The following PCDHGA1 variants were observed in gnomAD, a reference collection of about 807,000 sequenced individuals.
PCDHGA1 encodes protocadherin gamma subfamily A, 1.
PCDHGA1 carries 32 observed loss-of-function variants against 58.0 expected under a neutral mutation model. That is an observed-to-expected ratio of 0.55 (90% CI 0.42 to 0.74). The LOEUF is 0.74. Ranked by LOEUF, PCDHGA1 falls within the 30% of genes least tolerant of loss-of-function variation. PCDHGA1 has a pLI of 0.00. For missense variants in PCDHGA1, 1,205 were observed against 1,182.3 expected (o/e 1.02, Z -0.28); for synonymous variants, 498 against 501.1 (o/e 0.99, Z 0.08).
rs776294589 is a variant in PCDHGA1 at position 141,341,290 on chromosome 5, C to A, written c.2421+8185C>A. On this transcript the variant is annotated intron_variant, in intron 1 of 3. Transcript: ENST00000517417. ...AGAGCCACCTGATTTTCCCCCAGCC[C>A]AACTATGCGGACACGCTCATCAGCC... 14 of 1,614,234 alleles carry A rather than the reference C, an allele frequency of 8.7e-6. No homozygotes were observed. The African/African-American group carries it at 1.7e-4, about 20-fold the overall frequency.
chr5:141,356,922 T>C, intron 1 of PCDHGA1: 1 of 1,613,632 alleles, frequency 6.2e-7, no homozygotes, highest in Admixed American at 1.7e-5. Context: ...GCTCCACTGG[T>C]GTGGAGCTGG....
At chr5:141,435,821 T>C (rs571444304) in intron 1 of PCDHGA1, among the ~76,000 whole-genome samples, 72 of 152,240 alleles carry the variant, frequency 4.7e-4, no homozygotes, top group African/African-American at 1.6e-3. Context: ...CTTTCTTCTT[T>C]GTTTGCTGCC....
At chr5:141,443,631 T>C (rs541727440) in intron 1 of PCDHGA1, among the ~76,000 whole-genome samples, 1 of 152,332 alleles carries the variant, frequency 6.6e-6, no homozygotes, top group South Asian at 2.1e-4. Context: ...ATTGTAAAAA[T>C]TGATCCAGAT....
intron 1 of PCDHGA1, chr5:141,422,797 G>A (rs1037091316): frequency 2.5e-6 from 4 of 1,614,244 alleles, no homozygotes; most frequent in Non-Finnish European, 3.4e-6. Context: ...CTTCGACTAT[G>A]AGCAGTTTCG....
chr5:141,341,666 G>T, intron 1 of PCDHGA1: 1 of 624,078 alleles, frequency 1.6e-6, no homozygotes. Context: ...AGGGTGTCTG[G>T]TTTCTTATAC....
At chr5:141,393,542 T>A in intron 1 of PCDHGA1, 3 of 1,613,964 alleles carry the variant, frequency 1.9e-6, no homozygotes, top group Non-Finnish European at 2.5e-6. Flanking sequence ...CGGTTTTTCC[T>A]CACCCGATTT....
Position 141,485,060 on chromosome 5 carries a change from G to T in PCDHGA1, c.2422-9747G>T. The T allele has an allele frequency of 1.2e-6, 1 of 862,304 alleles. No individual in the cohort carries two copies. 53.4% of individuals were successfully genotyped at this position (862,304 alleles called of 1,614,324 possible). ...ACCCTTGCGGCGCCGGCCGAACCGC[G>T]CCAGAGCTGGCGCGGGGAAAGGGAG... On this transcript the variant is annotated intron_variant, in intron 1 of 3. Coordinates refer to ENST00000517417, the MANE Select transcript of PCDHGA1 (RefSeq NM_018912.3). The surrounding 1 kb of genome is among the most constrained non-coding windows in gnomAD (Gnocchi z 5.7).
chr5:141,344,625 C>T (rs746729408), intron 1 of PCDHGA1: 5 of 1,613,934 alleles, frequency 3.1e-6, no homozygotes, highest in East Asian at 4.5e-5. Context: ...GGTGCTGGAG[C>T]GGGCCCTGGA....
chr5:141,387,561 A>G lies in PCDHGA1; in HGVS notation c.2421+54456A>G, dbSNP rs2090990234. 9 of 426,060 alleles carry G rather than the reference A, an allele frequency of 2.1e-5. No homozygotes were observed. The East Asian group carries it at 3.4e-4, about 16-fold the overall frequency. 26.4% of individuals were successfully genotyped at this position (426,060 alleles called of 1,614,324 possible). A position where few individuals can be genotyped will look rare whatever the true frequency, so the allele number is the denominator to read the frequency against. The stretch of plus-strand genomic sequence containing the variant: ...AGTTTTTGTTCTTTCAGTTAGGCAC[A>G]CAATTATAATTATTGCACTGGTTAA... On this transcript the variant is annotated intron_variant, in intron 1 of 3. Transcript: ENST00000517417.
chr5:141,457,428 C>G (rs72790053), intron 1 of PCDHGA1, among the ~76,000 whole-genome samples: 1,866 of 152,262 alleles, frequency 0.012, 18 homozygotes, highest in Non-Finnish European at 0.017. Context: ...TTTTTCCCCC[C>G]CACCAAGCTG....
chr5:141,395,515 C>A, intron 1 of PCDHGA1: 1 of 407,332 alleles, frequency 2.5e-6, no homozygotes, highest in Non-Finnish European at 4.4e-6. Flanking sequence ...AGTAGCTACC[C>A]GTCCATACTG....
chr5:141,482,728 A>T (rs192207285), intron 1 of PCDHGA1, among the ~76,000 whole-genome samples: 97 of 128,396 alleles, frequency 7.6e-4, no homozygotes, highest in Admixed American at 3.3e-3. Context: ...GGGCCATTGC[A>T]AGAAATTCCA....
At chr5:141,388,935 C>T (rs1215680251) in intron 1 of PCDHGA1, 2 of 1,613,984 alleles carry the variant, frequency 1.2e-6, no homozygotes, top group South Asian at 1.1e-5. Flanking sequence ...CCAGTCTCTA[C>T]CCAACCTAAT....
intron 1 of PCDHGA1, chr5:141,398,280 C>T (rs1001902282): frequency 1.4e-5 from 19 of 1,405,808 alleles, no homozygotes; most frequent in Non-Finnish European, 1.8e-5. Context: ...GGAACCTCGC[C>T]ACGGACCTGG....
At chr5:141,372,252 G>A (rs768560692) in intron 1 of PCDHGA1, 4 of 1,613,140 alleles carry the variant, frequency 2.5e-6, no homozygotes, top group Admixed American at 1.7e-5. Context: ...GTTCAGCCTG[G>A]GCCTGCGCAC....
rs150670410 is a variant in PCDHGA1 at position 141,349,555 on chromosome 5, C to T, written c.2421+16450C>T. 1.8e-3 allele frequency among the ~76,000 whole-genome samples: 269 copies of T among 152,056 alleles called. 1 individual carries two copies. Among genetic ancestry groups the T allele is most frequent in the African/African-American group, 5.0e-3 (206 of 41,486 alleles). On this transcript the variant is annotated intron_variant, in intron 1 of 3. Coordinates refer to ENST00000517417, the MANE Select transcript of PCDHGA1 (RefSeq NM_018912.3). Reference sequence around the variant, plus strand: ...TATATTTTATAAAGAAGAGAAATAACATAATAGTAAGGCTGTGATTTCCTC... The same window carrying T: ...TATATTTTATAAAGAAGAGAAATAATATAATAGTAAGGCTGTGATTTCCTC...
At position 141,479,006 on chromosome 5, in the gene PCDHGA1, T is replaced by C. The variant is rs148063283; in HGVS notation, c.2422-15801T>C. On this transcript the variant is annotated intron_variant, in intron 1 of 3. Transcript: ENST00000517417. ...ACATTTGTATTAAAACTAATAGCTT[T>C]TTGATAATTTTCCTTTGTTTATACA... Among the ~76,000 whole-genome samples the C allele has an allele frequency of 1.2e-3, 179 of 152,340 alleles. 2 individuals are homozygous for C. The highest frequency in any genetic ancestry group is 0.011 in the Admixed American group (170 of 15,300).
intron 1 of PCDHGA1, chr5:141,375,116 C>T (rs754682469): frequency 3.7e-6 from 6 of 1,613,886 alleles, no homozygotes; most frequent in Non-Finnish European, 4.2e-6. Flanking sequence ...TGATAATGTA[C>T]CAGAAGTGGT....
intron 1 of PCDHGA1, chr5:141,344,167 T>C: frequency 1.2e-6 from 2 of 1,614,010 alleles, no homozygotes; most frequent in Non-Finnish European, 1.7e-6. Flanking sequence ...GGTTCCTTCG[T>C]GGGCAACATC....
Sources: gnomAD v4.1 joint callset for allele counts (sites outside exome capture counted in the v4.1 genomes callset) on GRCh38, gnomAD v4.1.1 for gene constraint, Gnocchi (gnomAD v3.1) non-coding constraint, MANE v1.5 for transcripts, NCBI Gene and HGNC (gene_info 2026-07-23, HGNC 2026-07-21) for gene names.